The following KRT86 variants were observed in gnomAD, a reference collection of about 807,000 sequenced individuals.
The protein encoded by KRT86 is keratin, type II cuticular Hb6.
In KRT86, 30 loss-of-function variants were observed where a neutral mutation model predicts 41.2. That is an observed-to-expected ratio of 0.73 (90% CI 0.54 to 0.99). The LOEUF is 0.99. Ranked by LOEUF, KRT86 falls within the 50% of genes least tolerant of loss-of-function variation. The pLI is 0.00. For synonymous variants in KRT86, 238 were observed against 238.1 expected (o/e 1.00, Z 0.00); for missense variants, 561 against 571.4 (o/e 0.98, Z 0.19).
At chr12:52,293,465 T>C (rs1166834015) in intron 2 of KRT86, among the ~76,000 whole-genome samples, 1 of 152,124 alleles carries the variant, frequency 6.6e-6, no homozygotes, top group African/African-American at 2.4e-5. Flanking sequence ...GTGAAAGTTG[T>C]TTACAGGGGA....
At chr12:52,306,644 C>G (rs1938527120) in intron 9 of KRT86, 1 of 405,886 alleles carries the variant, frequency 2.5e-6, no homozygotes, top group Non-Finnish European at 4.6e-6. Context: ...CCTAGTCTGG[C>G]CCTGGCCCCA....
Position 52,305,235 on chromosome 12 carries a change from T to G in KRT86, c.736-5T>G. 2 of 1,614,248 alleles carry G rather than the reference T, an allele frequency of 1.2e-6. No homozygotes were observed. The highest frequency in any genetic ancestry group is 1.3e-5 in the African/African-American group (1 of 75,062). ...AACTAAAGTCACTGCCCTCACCTCC[T>G]GCAGGAGATCCGCGTTCTCCAGTCC... On this transcript the variant is annotated splice_region_variant and splice_polypyrimidine_tract_variant and intron_variant, in intron 6 of 10. Transcript: ENST00000423955.
intron 2 of KRT86, chr12:52,277,593 G>C (rs1324860048): frequency 6.6e-6 from 1 of 152,432 alleles, no homozygotes; most frequent in Non-Finnish European, 1.5e-5. Context: ...AGCTGGCTTG[G>C]CTGGAGGCTG....
intron 7 of KRT86, 22 bp from the exon 8 acceptor site, chr12:52,305,641 T>A: frequency 1.2e-6 from 2 of 1,614,038 alleles, no homozygotes; most frequent in Non-Finnish European, 1.7e-6. Context: ...CTGAACCTCA[T>A]GAGCATCTCT....
At chr12:52,286,410 C>G in intron 2 of KRT86, 1 of 1,554,274 alleles carries the variant, frequency 6.4e-7, no homozygotes, top group Non-Finnish European at 8.7e-7. Context: ...TTGCACGGAG[C>G]GCTGCAGACA....
At chr12:52,291,290 C>T (rs1343618610) in intron 2 of KRT86, 22 of 1,539,002 alleles carry the variant, frequency 1.4e-5, no homozygotes, top group Non-Finnish European at 1.9e-5. Context: ...GCTGCGTCCG[C>T]AGGAGCCGGC....
At chr12:52,284,065 T>G (rs893747120) in intron 2 of KRT86, among the ~76,000 whole-genome samples, 1 of 151,666 alleles carries the variant, frequency 6.6e-6, no homozygotes, top group South Asian at 2.1e-4. Context: ...TAGGCTGAAG[T>G]TGGAATAGGT....
intron 2 of KRT86, chr12:52,287,798 G>A: frequency 6.2e-7 from 1 of 1,613,080 alleles, no homozygotes; most frequent in South Asian, 1.1e-5. Context: ...TGATTTTGCA[G>A]GTTGTACAGT....
chr12:52,305,248 C>G lies in KRT86; in HGVS notation c.744C>G (p.Arg248=). ...FLRRLYEEEI[R]VLQSHISDTS... Reference sequence around the variant, plus strand: ...GCCCTCACCTCCTGCAGGAGATCCGCGTTCTCCAGTCCCACATCTCAGACA... The same window carrying G: ...GCCCTCACCTCCTGCAGGAGATCCGGGTTCTCCAGTCCCACATCTCAGACA... Residue 248 remains arginine (R), a synonymous_variant, in exon 7 of 11, where the codon CGC becomes CGG. Coordinates refer to ENST00000423955, the MANE Select transcript of KRT86 (RefSeq NM_001320198.2). 3 of 1,614,174 alleles carry G rather than the reference C, an allele frequency of 1.9e-6. No individual in the cohort carries two copies. The highest frequency in any genetic ancestry group is 2.5e-6 in the Non-Finnish European group (3 of 1,180,034).
In KRT86 at chr12:52,305,039, G is replaced by A. The variant is rs1321005473; in HGVS notation, c.735+12G>A. The A allele has an allele frequency of 1.2e-6, 2 of 1,613,708 alleles. No individual in the cohort carries two copies. The highest frequency in any genetic ancestry group is 1.7e-5 in the Admixed American group (1 of 60,022). On this transcript the variant is annotated intron_variant, in intron 6 of 10. Transcript: ENST00000423955. ...GGCTGTATGAGGAGGTGCGGGCTCAGGGGCCAGGCAGAGACCTGGCAGCCA... is the reference window on the plus strand; with the variant it reads ...GGCTGTATGAGGAGGTGCGGGCTCAAGGGCCAGGCAGAGACCTGGCAGCCA...
chr12:52,301,735 A>G, intron 2 of KRT86, 178 bp from the exon 3 acceptor site: 1 of 1,194,986 alleles, frequency 8.4e-7, no homozygotes, highest in East Asian at 2.5e-5. Context: ...GGGGAGCGAC[A>G]GCAGCTAAAC....
rs542225476 is a variant in KRT86, at chr12:52,286,212, G to A, written c.-5+10266G>A. On this transcript the variant is annotated intron_variant, in intron 2 of 10. Coordinates refer to ENST00000423955, the MANE Select transcript of KRT86 (RefSeq NM_001320198.2). ...TGGACTGGATGGGCCAAGCAAGGCA[G>A]GGCAGGAAAGATGCCTGGGGCCTGG... 10 of 1,504,264 alleles carry A rather than the reference G, an allele frequency of 6.6e-6. No individual in the cohort carries two copies. In the South Asian group the frequency reaches 1.2e-4, roughly 18 times the overall value. The allele number at this position is 1,504,264 out of a possible 1,614,324, so 93.2% of individuals were successfully genotyped here.
At chr12:52,279,734 C>G (rs1776613143) in intron 2 of KRT86, among the ~76,000 whole-genome samples, 2 of 152,062 alleles carry the variant, frequency 1.3e-5, no homozygotes, top group Non-Finnish European at 2.9e-5. Flanking sequence ...GATGGGGAGC[C>G]CGGAGTCCAT....
At chr12:52,278,438 GTTT>G (rs10684723) in intron 2 of KRT86, among the ~76,000 whole-genome samples, 5 of 128,014 alleles carry the variant, frequency 3.9e-5, no homozygotes, top group African/African-American at 5.9e-5. Context: ...AGAAAGTGTA[GTTT>G]TTTTTTTTTT....
intron 2 of KRT86, among the ~76,000 whole-genome samples, chr12:52,285,052 A>G (rs760142504): frequency 6.6e-6 from 1 of 152,224 alleles, no homozygotes; most frequent in Non-Finnish European, 1.5e-5. Flanking sequence ...TAAAAAATAG[A>G]GTGATAATTT....
chr12:52,305,547 A>G, intron 7 of KRT86, 116 bp from the exon 8 acceptor site: 1 of 1,600,712 alleles, frequency 6.2e-7, no homozygotes, highest in Non-Finnish European at 8.5e-7. Flanking sequence ...GTAGGGCAGG[A>G]CTGCCATGTG....
intron 2 of KRT86, among the ~76,000 whole-genome samples, chr12:52,300,046 A>G (rs567022988): frequency 6.6e-6 from 1 of 152,170 alleles, no homozygotes; most frequent in South Asian, 2.1e-4. Context: ...CATTTCCTCA[A>G]TGTTTTCTTC....
intron 2 of KRT86, chr12:52,286,654 G>A: frequency 1.7e-6 from 2 of 1,180,634 alleles, no homozygotes; most frequent in South Asian, 1.3e-5. Flanking sequence ...TCTTTTGGAT[G>A]TCTGACCCCA....
chr12:52,286,531 C>T (rs372034247), intron 2 of KRT86: 1 of 1,542,698 alleles, frequency 6.5e-7, no homozygotes, highest in Admixed American at 2.0e-5. Context: ...TTCTGAAGGG[C>T]AAGCCATCCT....
Sources: gnomAD v4.1 joint callset for allele counts (sites outside exome capture counted in the v4.1 genomes callset) on GRCh38, gnomAD v4.1.1 for gene constraint, MANE v1.5 for transcripts, NCBI Gene and HGNC (gene_info 2026-07-23, HGNC 2026-07-21) for gene names.